The following MIPOL1 variants were observed in gnomAD, a reference collection of about 807,000 sequenced individuals.
MIPOL1 encodes mirror-image polydactyly 1, also known as mirror-image polydactyly gene 1 protein.
A neutral mutation model predicts 60.9 loss-of-function variants in MIPOL1; 57 were observed. The ratio of observed to expected loss-of-function variants is 0.94; its 90% CI spans 0.76 to 1.17. The LOEUF is 1.17. MIPOL1 is among the 50% of genes most tolerant of loss of function. The pLI is 0.00. For missense variants in MIPOL1, 551 were observed against 511.6 expected (o/e 1.08, Z -0.74); for synonymous variants, 179 against 168.8 (o/e 1.06, Z -0.47).
intron 9 of MIPOL1, among the ~76,000 whole-genome samples, chr14:37,334,714 G>A (rs2089983469): frequency 6.6e-6 from 1 of 151,776 alleles, no homozygotes; most frequent in Admixed American, 6.6e-5. Context: ...TAATCTATCT[G>A]TCTATATATT....
chr14:37,464,179 C>G (rs1173211808), intron 11 of MIPOL1, among the ~76,000 whole-genome samples: 1 of 152,156 alleles, frequency 6.6e-6, no homozygotes, highest in African/African-American at 2.4e-5. Flanking sequence ...AGTACAACCT[C>G]TATGGAAAAC....
chr14:37,277,240 C>T (rs1428911159), intron 6 of MIPOL1: 2 of 151,002 alleles, frequency 1.3e-5, no homozygotes, highest in African/African-American at 2.4e-5. Context: ...CTTTTTCACA[C>T]GTCTAATGAT....
chr14:37,507,154 G>A (rs113620541), intron 12 of MIPOL1: 1 of 152,156 alleles, frequency 6.6e-6, no homozygotes, highest in African/African-American at 2.4e-5. Flanking sequence ...TACACTGCTG[G>A]TGGGAGTGTA....
chr14:37,361,030 A>T (rs532388061), intron 9 of MIPOL1, among the ~76,000 whole-genome samples: 1 of 152,230 alleles, frequency 6.6e-6, no homozygotes, highest in East Asian at 1.9e-4. Flanking sequence ...CTTTGTTCTC[A>T]CTGGTTTCAA....
At position 37,308,045 on chromosome 14, in the gene MIPOL1, C is replaced by T. The variant is rs1173819777; in HGVS notation, c.624-11C>T. ...GCTACTGATCAGGCTTTCTGTGTCC[C>T]TTTTTTCTAGGCTAGAAAATATTAA... On this transcript the variant is annotated splice_polypyrimidine_tract_variant and intron_variant, in intron 7 of 12. Transcript: ENST00000684589. 3 of 1,608,308 alleles carry T rather than the reference C, an allele frequency of 1.9e-6. No homozygotes were observed. Among genetic ancestry groups the T allele is most frequent in the Non-Finnish European group, 1.7e-6 (2 of 1,176,866 alleles).
intron 9 of MIPOL1, among the ~76,000 whole-genome samples, chr14:37,311,574 A>G (rs1373094894): frequency 1.3e-5 from 2 of 152,186 alleles, no homozygotes; most frequent in East Asian, 3.8e-4. Context: ...TAGTCATTGT[A>G]TACTTACACT....
chr14:37,431,634 A>AGTG (rs529851523), intron 11 of MIPOL1, among the ~76,000 whole-genome samples: 120 of 111,514 alleles, frequency 1.1e-3, no homozygotes, highest in African/African-American at 3.9e-3. Flanking sequence ...GCTGGAGTGC[A>AGTG]GTGGCGCGAT....
intron 12 of MIPOL1, chr14:37,501,744 GT>G (rs2095218709): frequency 6.6e-6 from 1 of 152,144 alleles, no homozygotes; most frequent in Non-Finnish European, 1.5e-5. Context: ...GTTGGGACTG[GT>G]TGGACAGTGC....
intron 9 of MIPOL1, among the ~76,000 whole-genome samples, chr14:37,349,096 C>A (rs2091162545): frequency 7.0e-6 from 1 of 141,986 alleles, no homozygotes; most frequent in South Asian, 2.2e-4. Context: ...TCAAGCGATT[C>A]TCCTGCCTCA....
intron 12 of MIPOL1, among the ~76,000 whole-genome samples, chr14:37,501,139 C>T (rs1457611285): frequency 6.6e-6 from 1 of 152,126 alleles, no homozygotes; most frequent in African/African-American, 2.4e-5. Flanking sequence ...AGAAATTGTG[C>T]ATTTTAATCT....
At chr14:37,345,258 A>C (rs1191043648) in intron 9 of MIPOL1, among the ~76,000 whole-genome samples, 1 of 8,102 alleles carries the variant, frequency 1.2e-4, no homozygotes, top group African/African-American at 1.9e-4. Context: ...TGCACGCCAC[A>C]ATGTCTGGCT....
chr14:37,463,368 G>A (rs896417266), intron 11 of MIPOL1, among the ~76,000 whole-genome samples: 1 of 151,922 alleles, frequency 6.6e-6, no homozygotes, highest in Non-Finnish European at 1.5e-5. Context: ...ATTTGGGTGG[G>A]GACACAGAGC....
At position 37,281,641 on chromosome 14, in the gene MIPOL1, G is replaced by GTGA. The variant is rs2084116586; in HGVS notation, c.494-3675_494-3673dup. 2.0e-5 allele frequency among the ~76,000 whole-genome samples: 3 copies of GTGA among 152,240 alleles called. No individual in the cohort carries two copies. In the South Asian group the frequency reaches 6.2e-4, roughly 32 times the overall value. On this transcript the variant is annotated intron_variant, in intron 6 of 12. Coordinates refer to ENST00000684589, the MANE Select transcript of MIPOL1 (RefSeq NM_001388067.1). ...GCTGGTCTCGAACTCTTGACCTCAG[G>GTGA]TGATCCACCCGCCTTGGCCTCCCAA... is the stretch of plus-strand genomic sequence containing the variant.
intron 11 of MIPOL1, among the ~76,000 whole-genome samples, chr14:37,482,858 T>C (rs757668078): frequency 3.3e-5 from 5 of 152,170 alleles, no homozygotes; most frequent in Non-Finnish European, 5.9e-5. Context: ...CATAAATTAA[T>C]TCAGCTGTCC....
chr14:37,201,814 C>T (rs902116045), intron 1 of MIPOL1, among the ~76,000 whole-genome samples: 1 of 152,136 alleles, frequency 6.6e-6, no homozygotes, highest in Non-Finnish European at 1.5e-5. Context: ...TTAGCTAACA[C>T]TTTCTAGGTA....
At chr14:37,299,461 TAAAAATTACTC>T in intron 7 of MIPOL1, among the ~76,000 whole-genome samples, 1 of 17,688 alleles carries the variant, frequency 5.7e-5, no homozygotes, top group Non-Finnish European at 4.5e-4. Context: ...ATTAAAAAAA[TAAAAATTACTC>T]TACAACATCC....
At chr14:37,305,700 G>T (rs2086727543) in intron 7 of MIPOL1, among the ~76,000 whole-genome samples, 1 of 151,728 alleles carries the variant, frequency 6.6e-6, no homozygotes, top group South Asian at 2.1e-4. Context: ...CCAGACTCAT[G>T]TTTGTATTGA....
chr14:37,297,953 TA>T (rs1448551659), intron 7 of MIPOL1, among the ~76,000 whole-genome samples: 1 of 151,848 alleles, frequency 6.6e-6, no homozygotes, highest in African/African-American at 2.4e-5. Context: ...TGGAAAAAAC[TA>T]AAGTTCATGT....
chr14:37,269,172 C>T (rs2153387798), intron 5 of MIPOL1, among the ~76,000 whole-genome samples: 1 of 152,022 alleles, frequency 6.6e-6, no homozygotes, highest in African/African-American at 2.4e-5. Flanking sequence ...AGTATCCATG[C>T]CCTATATTTG....
Sources: allele counts gnomAD v4.1 joint callset (sites outside exome capture counted in the v4.1 genomes callset), GRCh38; gene constraint gnomAD v4.1.1; transcripts MANE v1.5; gene names NCBI Gene and HGNC (gene_info 2026-07-23, HGNC 2026-07-21).